STAT6: variants seen among roughly 807,000 people sequenced by gnomAD.
STAT6 encodes STAT, interleukin4-induced.
STAT6 carries 45 observed loss-of-function variants against 106.3 expected under a neutral mutation model. That is an observed-to-expected ratio of 0.42 (90% confidence interval 0.33 to 0.54). The LOEUF is 0.54. Among genes scored for constraint, STAT6 ranks in the 20% least tolerant of loss-of-function variants. STAT6 has a pLI of 0.06. For missense variants in STAT6, 797 were observed against 1,062.2 expected (o/e 0.75, Z 3.47); for synonymous variants, 413 against 413.6 (o/e 1.00, Z 0.02).
In STAT6 at chr12:57,096,656, T is replaced by C; in HGVS notation, c.2460A>G (p.Ala820=). The change falls in exon 22 of 22, where the codon GCA becomes GCG. Residue 820 remains alanine (A), a synonymous_variant. Coordinates refer to ENST00000300134, the MANE Select transcript of STAT6 (RefSeq NM_003153.5). ...AGTGGGAGGGCTGCAGGAGGGGCTG[T>C]GCCCCCAAGGACCCTCCCCCCGACT... is the stretch of plus-strand genomic sequence containing the variant. The part of the protein sequence containing the change: ...QGESGGGSLG[A]QPLLQPSHYG... 6.2e-7 allele frequency: 1 copy of C among 1,608,000 alleles called. No individual in the cohort carries two copies. The highest frequency in any genetic ancestry group is 8.5e-7 in the Non-Finnish European group (1 of 1,178,054).
At chr12:57,100,706 GAA>G (rs1205499299) in intron 13 of STAT6, 239 of 45,860 alleles carry the variant, frequency 5.2e-3, no homozygotes, top group African/African-American at 6.5e-3. Context: ...GAAAGAGAAA[GAA>G]AGAAAGAAAG....
intron 6 of STAT6, 59 bp downstream of exon 6, chr12:57,106,465 TCTAG>T (rs1217803642): frequency 4.7e-5 from 75 of 1,610,122 alleles, no homozygotes; most frequent in Non-Finnish European, 6.0e-5. Flanking sequence ...CTTTCTGAGG[TCTAG>T]CTTCCATCCC....
chr12:57,097,731 T>C (rs896776339), intron 19 of STAT6, among the ~76,000 whole-genome samples: 16 of 152,068 alleles, frequency 1.1e-4, no homozygotes, highest in African/African-American at 3.6e-4. Context: ...TGAGACCAGC[T>C]TGGGCAGTAA....
chr12:57,098,977 G>A (rs781079831), intron 17 of STAT6, 38 bp downstream of exon 17: 39 of 1,613,560 alleles, frequency 2.4e-5, no homozygotes, highest in Non-Finnish European at 3.2e-5. Flanking sequence ...TAAGCACTAA[G>A]CCCCTGACCT....
At chr12:57,104,876 T>C (rs1449955073) in intron 9 of STAT6, 63 bp from the exon 10 acceptor site, 1 of 1,571,710 alleles carries the variant, frequency 6.4e-7, no homozygotes, top group Non-Finnish European at 8.7e-7. Flanking sequence ...GGCGAGTGCA[T>C]GGGTGAGTGT....
chr12:57,104,699 C>G (rs1421492031), intron 10 of STAT6, 27 bp downstream of exon 10: 1 of 1,613,982 alleles, frequency 6.2e-7, no homozygotes, highest in Admixed American at 1.7e-5. Context: ...AGTGGTGCCC[C>G]CCTCACTGCA....
chr12:57,107,171 A>G lies in STAT6; in HGVS notation c.339+60T>C. 9 of 1,545,164 alleles carry G rather than the reference A, an allele frequency of 5.8e-6. No individual in the cohort carries two copies. In the South Asian group the frequency reaches 6.7e-5, roughly 11 times the overall value. On this transcript the variant is annotated intron_variant, in intron 4 of 21. Transcript: ENST00000300134. ...AGGTTCAAATTCTTTCTAGTTTGTC[A>G]TGGCTCAGGCCAAAGTCTCAGGGGA...
At chr12:57,104,296 G>T in intron 11 of STAT6, 168 bp downstream of exon 11, 1 of 926,796 alleles carries the variant, frequency 1.1e-6, no homozygotes, top group Non-Finnish European at 1.6e-6. Context: ...CCTGCCCTGT[G>T]CACTCCATGC....
Position 57,099,262 on chromosome 12 carries a change from G to A in STAT6, c.1891+32C>T. ...GGGAGCAGGGAGGAAGTGGGTGACA[G>A]GAAGGAATCAGAGCTGCCAGTTCCA... On this transcript the variant is annotated intron_variant, in intron 16 of 21. Transcript: ENST00000300134. This position sits in a 1 kb window ranked among gnomAD's most constrained non-coding sequence, Gnocchi z 4.7. The A allele has an allele frequency of 6.2e-7, 1 of 1,613,448 alleles. No homozygotes were observed. Among genetic ancestry groups the A allele is most frequent in the Non-Finnish European group, 8.5e-7 (1 of 1,179,500 alleles).
chr12:57,099,318 C>G lies in STAT6; in HGVS notation c.1867G>C (p.Glu623Gln). ...KNLYPKKPKD[E>Q]AFRSHYKPEQ... Reference sequence around the variant, plus strand: ...CGCTTGTAGTGGCTCCGGAAAGCCTCATCCTTGGGCTTCTTGGGATAGAGA... The same window carrying G: ...CGCTTGTAGTGGCTCCGGAAAGCCTGATCCTTGGGCTTCTTGGGATAGAGA... The change falls in exon 16 of 22, where the codon GAG becomes CAG. Residue 623 changes from glutamate to glutamine, a missense_variant. Physicochemically the swap from Glu to Gln is conservative, Grantham distance 29 (BLOSUM62 2). Transcript: ENST00000300134. The surrounding 1 kb of genome is among the most constrained non-coding windows in gnomAD (Gnocchi z 4.7). 6.2e-7 allele frequency: 1 copy of G among 1,614,198 alleles called. No individual in the cohort carries two copies. Among genetic ancestry groups the G allele is most frequent in the Non-Finnish European group, 8.5e-7 (1 of 1,180,048 alleles).
chr12:57,108,026 C>T (rs2034380204), intron 2 of STAT6, 137 bp downstream of exon 2: 1 of 679,808 alleles, frequency 1.5e-6, no homozygotes, highest in African/African-American at 1.8e-5. Flanking sequence ...CACAGACTCC[C>T]TGCTAAATCT....
rs980221885 is a variant in STAT6, at chr12:57,102,610, G to A, written c.1306-114C>T. The stretch of plus-strand genomic sequence containing the variant: ...CTACCCCTCCACAGCCCCTGATATC[G>A]CTCACAAACATGCTGTTTTTTCTAG... On this transcript the variant is annotated intron_variant, in intron 12 of 21. Transcript: ENST00000300134. 13 of 1,155,994 alleles carry A rather than the reference G, an allele frequency of 1.1e-5. No individual in the cohort carries two copies. In the South Asian group the frequency reaches 1.8e-4, roughly 16 times the overall value. The allele number at this position is 1,155,994 out of a possible 1,614,324, so 71.6% of individuals were successfully genotyped here.
intron 20 of STAT6, 22 bp downstream of exon 20, chr12:57,097,046 C>T (rs1196556877): frequency 6.3e-6 from 10 of 1,578,210 alleles, no homozygotes; most frequent in Non-Finnish European, 8.6e-6. Flanking sequence ...CACATGGGGT[C>T]AGGAGGGGCT....
chr12:57,108,146 G>A lies in STAT6; in HGVS notation c.116+17C>T, dbSNP rs1490308212. The stretch of plus-strand genomic sequence containing the variant: ...AGGGAAGACTTGGGGGACCAGCAGG[G>A]AGCAGCCAGGACTCACCAGGGCTGG... On this transcript the variant is annotated intron_variant, in intron 2 of 21. Transcript: ENST00000300134. 7 of 1,514,182 alleles carry A rather than the reference G, an allele frequency of 4.6e-6. No individual in the cohort carries two copies. In the East Asian group the frequency reaches 1.4e-4, roughly 29 times the overall value. 93.8% of individuals were successfully genotyped at this position (1,514,182 alleles called of 1,614,324 possible).
intron 19 of STAT6, chr12:57,097,387 A>C (rs1419470398): frequency 2.6e-5 from 9 of 339,820 alleles, no homozygotes; most frequent in Non-Finnish European, 4.8e-5. Flanking sequence ...CCAAGTCCTC[A>C]CTCCCGCCTC....
In STAT6 at chr12:57,099,795, G is replaced by A; in HGVS notation, c.1716C>T (p.Thr572=). 6.2e-7 allele frequency: 1 copy of A among 1,614,126 alleles called. No homozygotes were observed. The highest frequency in any genetic ancestry group is 8.5e-7 in the Non-Finnish European group (1 of 1,180,010). Residue 572 remains threonine (T), a synonymous_variant, in exon 15 of 22, where the codon ACC becomes ACT. Coordinates refer to ENST00000300134, the MANE Select transcript of STAT6 (RefSeq NM_003153.5). The surrounding 1 kb of genome is among the most constrained non-coding windows in gnomAD (Gnocchi z 4.7). ...RFSDSEIGGI[T]IAHVIRGQDG... ...CCTGGCCCCGGATGACATGGGCAAT[G>A]GTGATGCCCCCAATCTCTGAGTCGC...
At chr12:57,109,191 G>C (rs1297364736) in intron 1 of STAT6, among the ~76,000 whole-genome samples, 1 of 151,974 alleles carries the variant, frequency 6.6e-6, no homozygotes, top group Non-Finnish European at 1.5e-5. Context: ...GACAGAGAGA[G>C]ACTCTGCCTC....
Position 57,102,576 on chromosome 12 carries a change from G to A in STAT6, c.1306-80C>T, listed in dbSNP as rs1221166993. 38 of 1,444,212 alleles carry A rather than the reference G, an allele frequency of 2.6e-5. No homozygotes were observed. In the East Asian group the frequency reaches 3.1e-4, roughly 12 times the overall value. 89.5% of individuals were successfully genotyped at this position (1,444,212 alleles called of 1,614,324 possible). A position where few individuals can be genotyped will look rare whatever the true frequency, so the allele number is the denominator to read the frequency against. ...GGGCCGGCCTTCATCCCTCCCACCT[G>A]CCTGTGGCCTACCCCTCCACAGCCC... is the stretch of plus-strand genomic sequence containing the variant. On this transcript the variant is annotated intron_variant, in intron 12 of 21. Coordinates refer to ENST00000300134, the MANE Select transcript of STAT6 (RefSeq NM_003153.5).
Position 57,108,049 on chromosome 12 carries a change from A to G in STAT6, c.116+114T>C. The G allele has an allele frequency of 4.1e-6, 3 of 733,954 alleles. No individual in the cohort carries two copies. In the Middle Eastern group the frequency reaches 1.1e-3, roughly 268 times the overall value. 45.5% of individuals were successfully genotyped at this position (733,954 alleles called of 1,614,324 possible). A position where few individuals can be genotyped will look rare whatever the true frequency, so the allele number is the denominator to read the frequency against. ...CCCTGCTAAATCTAGGTCACTACACATGGAATAACAGGTCTCAAGTTCTGA... is the reference window on the plus strand; with the variant it reads ...CCCTGCTAAATCTAGGTCACTACACGTGGAATAACAGGTCTCAAGTTCTGA... On this transcript the variant is annotated intron_variant, in intron 2 of 21. Transcript: ENST00000300134.
Sources: allele counts gnomAD v4.1 joint callset (sites outside exome capture counted in the v4.1 genomes callset), GRCh38; gene constraint gnomAD v4.1.1; non-coding constraint Gnocchi (gnomAD v3.1); transcripts MANE v1.5; gene names NCBI Gene and HGNC (gene_info 2026-07-23, HGNC 2026-07-21).